SEMA3A: variants seen among roughly 807,000 people sequenced by gnomAD.
SEMA3A encodes the protein semaphorin 3A, also known as semaphorin-3A.
Under a neutral mutation model 97.9 loss-of-function variants are expected in SEMA3A, and 29 were observed. That is an observed-to-expected ratio of 0.30 (90% CI 0.22 to 0.40). SEMA3A has a LOEUF of 0.40. Ranked by LOEUF, SEMA3A falls within the 10% of genes least tolerant of loss-of-function variation. The pLI is 1.00. For missense variants in SEMA3A, 763 were observed against 951.3 expected (o/e 0.80, Z 2.60); for synonymous variants, 321 against 323.7 (o/e 0.99, Z 0.09).
At chr7:84,255,071 G>A (rs948933769) in intron 3 of SEMA3A, among the ~76,000 whole-genome samples, 4 of 152,232 alleles carry the variant, frequency 2.6e-5, no homozygotes, top group Admixed American at 2.6e-4. Flanking sequence ...GAAGTAGAAA[G>A]TAGATTGTCA....
chr7:83,982,866 G>C (rs1051561409), intron 13 of SEMA3A, among the ~76,000 whole-genome samples: 1 of 152,080 alleles, frequency 6.6e-6, no homozygotes, highest in East Asian at 1.9e-4. Flanking sequence ...TATAAGGAGT[G>C]TTTACATAGA....
At chr7:84,167,156 A>G (rs1797239438) in intron 1 of SEMA3A, among the ~76,000 whole-genome samples, 1 of 151,998 alleles carries the variant, frequency 6.6e-6, no homozygotes, top group African/African-American at 2.4e-5. Flanking sequence ...AATAGAAGGG[A>G]CCTAATCAGG....
intron 4 of SEMA3A, among the ~76,000 whole-genome samples, chr7:84,104,174 T>C (rs180694237): frequency 4.8e-4 from 73 of 152,208 alleles, no homozygotes; most frequent in African/African-American, 1.6e-3. Context: ...CATTCAAAAA[T>C]CAGATACTAT....
In SEMA3A at chr7:84,344,596, AAG is replaced by A. The variant is rs540967246; in HGVS notation, c.-169+27226_-169+27227del. 1.9e-3 allele frequency among the ~76,000 whole-genome samples: 282 copies of A among 152,324 alleles called. 2 individuals carry two copies. The highest frequency in any genetic ancestry group is 6.6e-3 in the African/African-American group (275 of 41,574). On this transcript the variant is annotated intron_variant, in intron 2 of 3. Coordinates refer to the SEMA3A transcript ENST00000424555. Reference sequence around the variant, plus strand: ...ACTTTTGTTGGTTAGAGTCACGGAAAAGAGAGAGATACACAGGGCAAGAGAGA... The same window carrying A: ...ACTTTTGTTGGTTAGAGTCACGGAAAAGAGAGATACACAGGGCAAGAGAGA...
At chr7:84,210,996 A>G (rs574602818) in intron 3 of SEMA3A, among the ~76,000 whole-genome samples, 2 of 152,314 alleles carry the variant, frequency 1.3e-5, no homozygotes, top group Admixed American at 6.5e-5. Flanking sequence ...GGAACAGAAC[A>G]AAAACTTTTT....
intron 2 of SEMA3A, among the ~76,000 whole-genome samples, chr7:84,324,207 A>G (rs1239392366): frequency 2.6e-5 from 4 of 152,210 alleles, no homozygotes; most frequent in Non-Finnish European, 5.9e-5. Flanking sequence ...GTTGAGCTAC[A>G]GCAGCCTGAC....
At chr7:84,460,054 A>T (rs577142026) in intron 1 of SEMA3A, among the ~76,000 whole-genome samples, 1 of 152,274 alleles carries the variant, frequency 6.6e-6, no homozygotes, top group South Asian at 2.1e-4. Context: ...AAACAAAAAA[A>T]CCTAATTCTT....
intron 1 of SEMA3A, among the ~76,000 whole-genome samples, chr7:84,488,315 TATACAC>T (rs1251105557): frequency 4.1e-4 from 39 of 94,288 alleles, no homozygotes; most frequent in Admixed American, 3.1e-3. Flanking sequence ...TTTCTTCGTA[TATACAC>T]ACACACACAC....
intron 1 of SEMA3A, among the ~76,000 whole-genome samples, chr7:84,451,140 T>A (rs1805543394): frequency 6.6e-6 from 1 of 152,212 alleles, no homozygotes; most frequent in Admixed American, 6.5e-5. Context: ...AAATTTCATT[T>A]TCTTAGATTT....
Position 84,129,116 on chromosome 7 carries a change from T to C in SEMA3A, c.333+7A>G. ...CCTGTATAATAATTTAGTAGGTTAA[T>C]GCTTACCAGGATGTCTTTTCCAGCC... On this transcript the variant is annotated splice_region_variant and intron_variant, in intron 3 of 16. Coordinates refer to ENST00000265362, the MANE Select transcript of SEMA3A (RefSeq NM_006080.3). The C allele has an allele frequency of 1.2e-6, 2 of 1,603,562 alleles. No individual in the cohort carries two copies. The highest frequency in any genetic ancestry group is 1.7e-6 in the Non-Finnish European group (2 of 1,170,454).
chr7:84,112,657 C>T (rs572349747), intron 3 of SEMA3A, among the ~76,000 whole-genome samples: 207 of 152,164 alleles, frequency 1.4e-3, no homozygotes, highest in Non-Finnish European at 1.6e-3. Flanking sequence ...GAATAACTGA[C>T]TAGCAATTTA....
At chr7:83,971,210 A>G (rs2116285134) in intron 15 of SEMA3A, among the ~76,000 whole-genome samples, 1 of 152,300 alleles carries the variant, frequency 6.6e-6, no homozygotes, top group Middle Eastern at 3.4e-3. Flanking sequence ...GGATCACCTG[A>G]GGTCAGGAGT....
At chr7:84,061,869 T>C (rs1308594574) in intron 4 of SEMA3A, among the ~76,000 whole-genome samples, 4 of 152,190 alleles carry the variant, frequency 2.6e-5, no homozygotes, top group Admixed American at 6.5e-5. Context: ...CCAATGATAT[T>C]TCTTTAGGTT....
chr7:84,296,837 TG>T (rs1800884943), intron 3 of SEMA3A, among the ~76,000 whole-genome samples: 3 of 152,180 alleles, frequency 2.0e-5, no homozygotes, highest in African/African-American at 7.2e-5. Flanking sequence ...AATGTTTTTA[TG>T]GCAAAATTCC....
At chr7:84,020,725 T>C (rs1400611782) in intron 6 of SEMA3A, among the ~76,000 whole-genome samples, 1 of 152,162 alleles carries the variant, frequency 6.6e-6, no homozygotes, top group Non-Finnish European at 1.5e-5. Flanking sequence ...CAAAAGTATT[T>C]ATATGGTTTT....
At chr7:84,336,686 C>T (rs1224334612) in intron 2 of SEMA3A, among the ~76,000 whole-genome samples, 1 of 152,080 alleles carries the variant, frequency 6.6e-6, no homozygotes, top group Non-Finnish European at 1.5e-5. Context: ...GGCACACAAA[C>T]CTAGGTTCCA....
chr7:84,091,168 GA>G (rs746250300), intron 4 of SEMA3A, among the ~76,000 whole-genome samples: 4,582 of 28,172 alleles, frequency 0.16, 200 homozygotes, highest in African/African-American at 0.27. Flanking sequence ...AGGAAGGAAG[GA>G]AAGAAAGAAA....
intron 2 of SEMA3A, among the ~76,000 whole-genome samples, chr7:84,314,093 A>G (rs1801435166): frequency 6.6e-6 from 1 of 152,062 alleles, no homozygotes; most frequent in Middle Eastern, 3.2e-3. Context: ...TTACAAATAT[A>G]ATACTCAACA....
At chr7:84,306,863 A>T (rs1801169412) in intron 3 of SEMA3A, among the ~76,000 whole-genome samples, 1 of 152,146 alleles carries the variant, frequency 6.6e-6, no homozygotes, top group Non-Finnish European at 1.5e-5. Flanking sequence ...TGTGGATAGC[A>T]ATATGCTCAC....
Sources: gnomAD v4.1 joint callset for allele counts (sites outside exome capture counted in the v4.1 genomes callset) on GRCh38, gnomAD v4.1.1 for gene constraint, MANE v1.5 for transcripts, NCBI Gene and HGNC (gene_info 2026-07-23, HGNC 2026-07-21) for gene names.